Variants in SDK1 observed in about 807,000 individuals in gnomAD.
SDK1 encodes protein sidekick-1.
Under a neutral mutation model 245.5 loss-of-function variants are expected in SDK1, and 157 were observed. That is an observed-to-expected ratio of 0.64 (90% confidence interval 0.56 to 0.73). The LOEUF (loss-of-function observed/expected upper bound fraction) is 0.73. Among genes scored for constraint, SDK1 ranks in the 30% least tolerant of loss-of-function variants. The pLI, the probability that SDK1 is intolerant of heterozygous loss-of-function variation, is 0.00. For synonymous variants in SDK1, 1,647 were observed against 1,278.5 expected (o/e 1.29, Z -6.15); for missense variants, 3,583 against 3,002.3 (o/e 1.19, Z -4.52).
intron 4 of SDK1, among the ~76,000 whole-genome samples, chr7:3,814,444 A>T (rs944082917): frequency 2.0e-5 from 3 of 151,318 alleles, no homozygotes; most frequent in African/African-American, 7.4e-5. Flanking sequence ...GTTATTTCTG[A>T]GGGCTCTGTT....
In SDK1 at chr7:3,623,626, A is replaced by G. The variant is rs568491824; in HGVS notation, c.458+4387A>G. Among the ~76,000 whole-genome samples the G allele has an allele frequency of 5.3e-5, 8 of 152,314 alleles. No individual in the cohort carries two copies. In the South Asian group the frequency reaches 1.4e-3, roughly 28 times the overall value. On this transcript the variant is annotated intron_variant, in intron 2 of 44. Transcript: ENST00000404826. ...TTAGCAAGTTGACGGTAATTCAGCA[A>G]TTAAACTAAGTTTGCATAGATATCT...
At chr7:3,528,660 C>T (rs535660241) in intron 1 of SDK1, among the ~76,000 whole-genome samples, 147 of 152,058 alleles carry the variant, frequency 9.7e-4, no homozygotes, top group Non-Finnish European at 1.9e-3. Flanking sequence ...TAGGATCACC[C>T]TGAAAATGGT....
intron 14 of SDK1, among the ~76,000 whole-genome samples, chr7:3,988,006 C>CG (rs1357548963): frequency 1.3e-5 from 2 of 152,034 alleles, no homozygotes; most frequent in African/African-American, 4.8e-5. Context: ...CTTGATGACT[C>CG]GAACATTTGT....
intron 5 of SDK1, among the ~76,000 whole-genome samples, chr7:3,921,963 C>T (rs138213201): frequency 2.0e-5 from 3 of 152,098 alleles, no homozygotes; most frequent in Non-Finnish European, 4.4e-5. Context: ...TAGGCCCTGT[C>T]TCCAAAATAA....
At chr7:3,972,256 T>C (rs1435724863) in intron 12 of SDK1, among the ~76,000 whole-genome samples, 2 of 152,010 alleles carry the variant, frequency 1.3e-5, no homozygotes, top group Non-Finnish European at 2.9e-5. Flanking sequence ...TTTTTTTGTA[T>C]TTTTAGTAGA....
intron 5 of SDK1, among the ~76,000 whole-genome samples, chr7:3,856,322 G>A (rs1254923969): frequency 6.6e-6 from 1 of 151,876 alleles, no homozygotes; most frequent in Admixed American, 6.6e-5. Context: ...TATATGAAAA[G>A]AGGGTTTAAA....
intron 28 of SDK1, among the ~76,000 whole-genome samples, chr7:4,138,759 A>G (rs1341291561): frequency 5.9e-5 from 9 of 151,588 alleles, no homozygotes; most frequent in Non-Finnish European, 1.2e-4. Context: ...AAAAAAAAAA[A>G]AGAGAGAGAA....
chr7:3,609,523 C>G (rs1193032731), intron 1 of SDK1, among the ~76,000 whole-genome samples: 1 of 152,180 alleles, frequency 6.6e-6, no homozygotes, highest in Non-Finnish European at 1.5e-5. Context: ...GCCTCAGCCT[C>G]CCAAGTAGCT....
chr7:3,471,539 C>T (rs1583907844), intron 1 of SDK1, among the ~76,000 whole-genome samples: 3 of 152,128 alleles, frequency 2.0e-5, no homozygotes, highest in Non-Finnish European at 4.4e-5. Flanking sequence ...TATGAGCCGT[C>T]AGTTTCGATT....
At chr7:3,745,216 G>C (rs764804680) in intron 4 of SDK1, among the ~76,000 whole-genome samples, 1 of 152,120 alleles carries the variant, frequency 6.6e-6, no homozygotes, top group Non-Finnish European at 1.5e-5. Context: ...GGTTTTGTGG[G>C]AATATTACCC....
At chr7:3,466,979 TACACACACACACACACACACACACAC>T (rs11269597) in intron 1 of SDK1, among the ~76,000 whole-genome samples, 2 of 127,542 alleles carry the variant, frequency 1.6e-5, no homozygotes, top group African/African-American at 3.1e-5. Flanking sequence ...TCTCTCTCTC[TACACACACACACACACACACACACAC>T]ACACACACAC....
At chr7:4,261,388 C>A (rs1020722156) in intron 44 of SDK1, among the ~76,000 whole-genome samples, 1 of 152,120 alleles carries the variant, frequency 6.6e-6, no homozygotes, top group African/African-American at 2.4e-5. Context: ...TCTCCCATCC[C>A]CTGCCCACCC....
intron 1 of SDK1, among the ~76,000 whole-genome samples, chr7:3,442,555 G>A (rs1419412740): frequency 6.6e-6 from 1 of 152,216 alleles, no homozygotes; most frequent in Non-Finnish European, 1.5e-5. Context: ...TTGAGGGCAT[G>A]AAGTCAACCT....
At chr7:3,421,771 G>T (rs1345957746) in intron 1 of SDK1, among the ~76,000 whole-genome samples, 4 of 152,138 alleles carry the variant, frequency 2.6e-5, no homozygotes, top group Non-Finnish European at 4.4e-5. Context: ...ATTTAGAGAT[G>T]ACATTTAGAG....
In SDK1 at chr7:3,870,314, C is replaced by T. The variant is rs181467149; in HGVS notation, c.847+48731C>T. Among the ~76,000 whole-genome samples, 10 of 152,188 alleles carry T rather than the reference C, an allele frequency of 6.6e-5. No individual in the cohort carries two copies. In the East Asian group the frequency reaches 1.9e-3, roughly 29 times the overall value. On this transcript the variant is annotated intron_variant, in intron 5 of 44. Transcript: ENST00000404826. ...CGTTATTTTTACAGCGACTTGGCCC[C>T]TTTTAAGCTGAGGGAACTGACCTTA...
intron 4 of SDK1, among the ~76,000 whole-genome samples, chr7:3,725,358 G>A (rs1778977410): frequency 6.6e-6 from 1 of 152,158 alleles, no homozygotes; most frequent in Non-Finnish European, 1.5e-5. Context: ...GATAAGGGCT[G>A]AAAAGGAGGA....
At chr7:4,146,431 T>A (rs56747705) in intron 29 of SDK1, among the ~76,000 whole-genome samples, 7 of 148,860 alleles carry the variant, frequency 4.7e-5, no homozygotes, top group African/African-American at 1.8e-4. Flanking sequence ...ACACCTGCTC[T>A]CAGACATGTG....
At position 4,266,340 on chromosome 7, in the gene SDK1, C is replaced by T. The variant is rs1788467042; in HGVS notation, c.*956C>T. 2.0e-6 allele frequency: 2 copies of T among 985,350 alleles called. No homozygotes were observed. The highest frequency in any genetic ancestry group is 9.4e-5 in the South Asian group (2 of 21,284). 61.0% of individuals were successfully genotyped at this position (985,350 alleles called of 1,614,324 possible). ...TCCAGGTGCCTTTTTATTAATTGTTCAGCTTTGTACATGGGAAAGATGAAA... is the reference window on the plus strand; with the variant it reads ...TCCAGGTGCCTTTTTATTAATTGTTTAGCTTTGTACATGGGAAAGATGAAA... On this transcript the variant is annotated 3_prime_UTR_variant, in exon 45 of 45. Transcript: ENST00000404826.
chr7:3,683,431 C>T (rs940419891), intron 4 of SDK1, among the ~76,000 whole-genome samples: 6 of 152,146 alleles, frequency 3.9e-5, no homozygotes, highest in Non-Finnish European at 1.5e-5. Flanking sequence ...TTTAAACATG[C>T]CCTGTGAGAA....
Sources: allele counts gnomAD v4.1 joint callset (sites outside exome capture counted in the v4.1 genomes callset), GRCh38; gene constraint gnomAD v4.1.1; transcripts MANE v1.5; gene names NCBI Gene and HGNC (gene_info 2026-07-23, HGNC 2026-07-21).